The following ATG4C variants were observed in gnomAD, a reference collection of about 807,000 sequenced individuals.
ATG4C encodes the protein cysteine protease ATG4C.
A neutral mutation model predicts 57.6 loss-of-function variants in ATG4C; 56 were observed. That is an observed-to-expected ratio of 0.97 (90% CI 0.78 to 1.21). The LOEUF is 1.21. ATG4C is among the 50% of genes most tolerant of loss of function. The pLI is 0.00. For synonymous variants in ATG4C, 157 were observed against 174.1 expected (o/e 0.90, Z 0.78); for missense variants, 595 against 529.8 (o/e 1.12, Z -1.21).
intron 7 of ATG4C, among the ~76,000 whole-genome samples, chr1:62,833,127 C>T (rs560304962): frequency 3.9e-5 from 6 of 152,124 alleles, no homozygotes; most frequent in African/African-American, 9.6e-5. Flanking sequence ...GGAAAAAGAA[C>T]GTTTGTCCAT....
At chr1:62,844,705 C>T (rs1192392229) in intron 10 of ATG4C, among the ~76,000 whole-genome samples, 1 of 151,778 alleles carries the variant, frequency 6.6e-6, no homozygotes, top group East Asian at 1.9e-4. Context: ...CAATCTTATT[C>T]CTTTTCTTCC....
At position 62,784,153 on chromosome 1, in the gene ATG4C, C is replaced by T. The variant is rs1231669855; in HGVS notation, c.-189C>T. 6.5e-6 allele frequency: 1 copy of T among 152,936 alleles called. No individual in the cohort carries two copies. The highest frequency in any genetic ancestry group is 2.4e-5 in the African/African-American group (1 of 41,474). The allele number at this position is 152,936 out of a possible 1,614,324, so 9.5% of individuals were successfully genotyped here. The stretch of plus-strand genomic sequence containing the variant: ...GCTCAAAGTACCTGTAGCTGCGGCG[C>T]TGAGGTCGGAACGTCTGCGTGTGTG... On this transcript the variant is annotated 5_prime_UTR_variant, in exon 1 of 11. Transcript: ENST00000317868.
Position 62,834,053 on chromosome 1 carries a change from G to T in ATG4C, c.949G>T (p.Glu317Ter). The T allele has an allele frequency of 6.2e-7, 1 of 1,612,054 alleles. No individual in the cohort carries two copies. The highest frequency in any genetic ancestry group is 1.7e-4 in the Middle Eastern group (1 of 6,048). ...LEFVKGILSL[E>*]YCVGIIGGKP... ...TTTTTGGCAGGGTATTTTAAGCCTG[G>T]AATATTGTGTGGGTATTATTGGTGG... The change falls in exon 8 of 11, where the codon GAA becomes TAA. Residue 317 changes from glutamate to a stop codon, truncating the protein, a stop_gained. Coordinates refer to ENST00000317868, the MANE Select transcript of ATG4C (RefSeq NM_032852.4). LOFTEE classifies it high-confidence loss of function.
At chr1:62,808,638 T>C (rs1664959133) in intron 3 of ATG4C, among the ~76,000 whole-genome samples, 1 of 152,106 alleles carries the variant, frequency 6.6e-6, no homozygotes, top group Non-Finnish European at 1.5e-5. Flanking sequence ...AGGAAAGACA[T>C]TTGTAGAAAA....
intron 10 of ATG4C, among the ~76,000 whole-genome samples, chr1:62,854,997 A>T (rs956342473): frequency 1.3e-5 from 2 of 151,622 alleles, no homozygotes; most frequent in African/African-American, 4.9e-5. Flanking sequence ...TGGAGTTCAT[A>T]TCATTATCTA....
At chr1:62,799,370 G>A (rs941386104) in intron 1 of ATG4C, among the ~76,000 whole-genome samples, 1 of 152,044 alleles carries the variant, frequency 6.6e-6, no homozygotes, top group African/African-American at 2.4e-5. Context: ...TAATTTTATC[G>A]TTCTCAACTA....
Position 62,841,524 on chromosome 1 carries a change from C to T in ATG4C, c.1186C>T (p.Arg396Ter), listed in dbSNP as rs763228736. The T allele has an allele frequency of 8.8e-6, 14 of 1,592,870 alleles. No homozygotes were observed. Among genetic ancestry groups the T allele is most frequent in the African/African-American group, 5.4e-5 (4 of 74,338 alleles). The part of the protein sequence containing the change: ...FYCRNVQDFK[R>*]ASEEITKMLK... ...CTGTCGAAATGTTCAGGACTTCAAA[C>T]GAGCTTCTGAAGAAATCACCAAGGT... Residue 396 changes from arginine to a stop codon, truncating the protein, a stop_gained, in exon 10 of 11, where the codon CGA becomes TGA. Coordinates refer to ENST00000317868, the MANE Select transcript of ATG4C (RefSeq NM_032852.4). LOFTEE classifies it high-confidence loss of function.
In ATG4C at chr1:62,819,098, C is replaced by T. The variant is rs1665389793; in HGVS notation, c.488C>T (p.Ala163Val). ...AAAAAATTTACTGCATCATTTGAAGCATCACTTTCAGGGGAAAGAGAATTC... is the reference window on the plus strand; with the variant it reads ...AAAAAATTTACTGCATCATTTGAAGTATCACTTTCAGGGGAAAGAGAATTC... ...TVKKFTASFE[A>V]SLSGEREFKT... Residue 163 changes from alanine to valine, a missense_variant, in exon 5 of 11, where the codon GCA (alanine) becomes GTA (valine). Ala to Val is a moderately conservative substitution (Grantham distance 64). Coordinates refer to ENST00000317868, the MANE Select transcript of ATG4C (RefSeq NM_032852.4). The T allele has an allele frequency of 1.9e-6, 3 of 1,612,170 alleles. No homozygotes were observed. The African/African-American group carries it at 4.0e-5, about 22-fold the overall frequency.
chr1:62,863,145 A>G (rs115621894), intron 10 of ATG4C, among the ~76,000 whole-genome samples: 63 of 152,072 alleles, frequency 4.1e-4, no homozygotes, highest in African/African-American at 1.5e-3. Flanking sequence ...ATACTTGTGA[A>G]TCTCAAATTG....
chr1:62,805,883 G>C (rs983253323), intron 3 of ATG4C, among the ~76,000 whole-genome samples: 4 of 152,168 alleles, frequency 2.6e-5, no homozygotes, highest in Non-Finnish European at 5.9e-5. Flanking sequence ...TTTAAACCAA[G>C]ACTGTGTCTC....
chr1:62,816,997 T>C (rs916238300), intron 4 of ATG4C, among the ~76,000 whole-genome samples, 189 bp downstream of exon 4: 2 of 152,240 alleles, frequency 1.3e-5, no homozygotes, highest in Non-Finnish European at 2.9e-5. Flanking sequence ...ATATGACTTA[T>C]ATGTAAACTT....
intron 10 of ATG4C, among the ~76,000 whole-genome samples, chr1:62,848,984 G>A (rs751067078): frequency 6.6e-6 from 1 of 151,854 alleles, no homozygotes; most frequent in Non-Finnish European, 1.5e-5. Flanking sequence ...CTCAATTTGG[G>A]TTTGTCTGTA....
chr1:62,801,958 C>CAAAAAAAAAAAAAAA (rs60298362), intron 1 of ATG4C, among the ~76,000 whole-genome samples: 1 of 51,888 alleles, frequency 1.9e-5, no homozygotes, highest in African/African-American at 6.2e-5. Flanking sequence ...ACTCTGTCTC[C>CAAAAAAAAAAAAAAA]AAAAAAAAAA....
chr1:62,822,978 A>T (rs1665530120), intron 6 of ATG4C, among the ~76,000 whole-genome samples: 1 of 152,096 alleles, frequency 6.6e-6, no homozygotes, highest in Non-Finnish European at 1.5e-5. Flanking sequence ...AGCATGGTGA[A>T]ACCCTGTCAC....
intron 1 of ATG4C, among the ~76,000 whole-genome samples, chr1:62,797,547 G>A (rs1664514593): frequency 6.6e-6 from 1 of 152,030 alleles, no homozygotes; most frequent in African/African-American, 2.4e-5. Flanking sequence ...GTCTAGTAAG[G>A]TTGAAAATAT....
chr1:62,832,117 G>A (rs1458989274), intron 7 of ATG4C, among the ~76,000 whole-genome samples: 1 of 152,148 alleles, frequency 6.6e-6, no homozygotes, highest in Non-Finnish European at 1.5e-5. Flanking sequence ...CTTTATTACT[G>A]TTTAGTGAGA....
chr1:62,835,402 G>T, intron 9 of ATG4C: 1 of 357,104 alleles, frequency 2.8e-6, no homozygotes, highest in Non-Finnish European at 5.7e-6. Flanking sequence ...TTGTGATCCA[G>T]TATTTTAATT....
chr1:62,825,627 T>A (rs1286860016), intron 6 of ATG4C, among the ~76,000 whole-genome samples: 2 of 152,190 alleles, frequency 1.3e-5, no homozygotes, highest in Non-Finnish European at 2.9e-5. Flanking sequence ...TGCATGTTGG[T>A]AACTCCCAAA....
At chr1:62,794,516 C>G (rs188940572) in intron 1 of ATG4C, among the ~76,000 whole-genome samples, 1 of 151,762 alleles carries the variant, frequency 6.6e-6, no homozygotes, top group Non-Finnish European at 1.5e-5. Flanking sequence ...GCTATCAGCC[C>G]TTTATTCTTC....
Sources: allele counts gnomAD v4.1 joint callset (sites outside exome capture counted in the v4.1 genomes callset), GRCh38; gene constraint gnomAD v4.1.1; transcripts MANE v1.5; gene names NCBI Gene and HGNC (gene_info 2026-07-23, HGNC 2026-07-21).